ASTN2: variants seen among roughly 807,000 people sequenced by gnomAD.
ASTN2 encodes astrotactin 2.
A neutral mutation model predicts 139.8 loss-of-function variants in ASTN2; 54 were observed. The ratio of observed to expected loss-of-function variants is 0.39; its 90% confidence interval spans 0.31 to 0.48. The LOEUF (loss-of-function observed/expected upper bound fraction) is 0.48. ASTN2 is among the 20% of genes least tolerant of loss of function. The probability of loss-of-function intolerance (pLI) is 0.95; values close to 1 mark genes in which losing one functional copy is unlikely to be tolerated. For missense variants in ASTN2, 1,565 were observed against 1,725.1 expected, an observed-to-expected ratio of 0.91 and a Z score of 1.64; for synonymous variants, 756 against 719.5, an observed-to-expected ratio of 1.05 and a Z score of -0.81.
intron 19 of ASTN2, among the ~76,000 whole-genome samples, chr9:116,565,474 C>T (rs1042534273): frequency 1.4e-5 from 2 of 144,358 alleles, no homozygotes; most frequent in East Asian, 4.0e-4. Flanking sequence ...ATCACCCAGG[C>T]TGGAGTGCAG....
At chr9:116,655,686 G>A (rs1383323680) in intron 16 of ASTN2, among the ~76,000 whole-genome samples, 1 of 151,856 alleles carries the variant, frequency 6.6e-6, no homozygotes, top group Non-Finnish European at 1.5e-5. Context: ...TGCCACTAAC[G>A]TACACCAAGA....
At position 116,620,387 on chromosome 9, in the gene ASTN2, G is replaced by T. The variant is rs148013478; in HGVS notation, c.3129C>A (p.Ile1043=). Residue 1043 remains isoleucine, a synonymous_variant, in exon 18 of 23, where the codon ATC becomes ATA. Transcript: ENST00000313400. ...TGAGGTCACACCTGCACCAGTCATC[G>T]ATCACATCCCCTTTCCCTGAGCACC... is the stretch of plus-strand genomic sequence containing the variant. The part of the protein sequence containing the change: ...SYWCSGKGDV[I]DDWCRCDLSA... 3 of 1,614,116 alleles carry T rather than the reference G, an allele frequency of 1.9e-6. No individual in the cohort carries two copies. The highest frequency in any genetic ancestry group is 2.5e-6 in the Non-Finnish European group (3 of 1,180,026).
At chr9:116,771,006 A>G (rs1349445309) in intron 13 of ASTN2, among the ~76,000 whole-genome samples, 1 of 152,170 alleles carries the variant, frequency 6.6e-6, no homozygotes, top group African/African-American at 2.4e-5. Flanking sequence ...CAAACCATTT[A>G]CTGTCTTATG....
At chr9:117,152,249 C>A (rs1198346429) in intron 3 of ASTN2, among the ~76,000 whole-genome samples, 1 of 152,142 alleles carries the variant, frequency 6.6e-6, no homozygotes, top group East Asian at 1.9e-4. Context: ...CCTAGATAAG[C>A]CTGCGGAGGG....
intron 2 of ASTN2, among the ~76,000 whole-genome samples, chr9:117,270,016 G>T (rs758120509): frequency 6.6e-6 from 1 of 152,080 alleles, no homozygotes; most frequent in Non-Finnish European, 1.5e-5. Flanking sequence ...GAATTAATTT[G>T]CCCTAAATCA....
intron 5 of ASTN2, among the ~76,000 whole-genome samples, chr9:117,094,155 A>AAAGGGAGG (rs1418316200): frequency 3.4e-5 from 2 of 58,854 alleles, no homozygotes; most frequent in African/African-American, 6.4e-5. Flanking sequence ...AGGGAGGGAG[A>AAAGGGAGG]AAGGGAGGAA....
chr9:117,120,025 T>TATATATATATA (rs1829513096), intron 4 of ASTN2, among the ~76,000 whole-genome samples: 2 of 79,490 alleles, frequency 2.5e-5, no homozygotes, highest in Non-Finnish European at 6.2e-5. Context: ...TGTGTATATA[T>TATATATATATA]ATATATATAT....
chr9:116,793,213 T>C (rs1055327096), intron 13 of ASTN2, among the ~76,000 whole-genome samples: 7 of 152,218 alleles, frequency 4.6e-5, no homozygotes, highest in African/African-American at 1.7e-4. Flanking sequence ...TATATTAGTA[T>C]GCTCAGACAT....
At chr9:117,266,012 G>A (rs914561549) in intron 2 of ASTN2, among the ~76,000 whole-genome samples, 1 of 152,146 alleles carries the variant, frequency 6.6e-6, no homozygotes, top group Non-Finnish European at 1.5e-5. Context: ...TGCTCTAGTG[G>A]TAAAATGAGC....
At chr9:117,123,549 C>T (rs1017879395) in intron 4 of ASTN2, among the ~76,000 whole-genome samples, 1 of 152,096 alleles carries the variant, frequency 6.6e-6, no homozygotes, top group African/African-American at 2.4e-5. Flanking sequence ...GCATGGTAAG[C>T]TCTTGATAAA....
At chr9:116,906,475 C>T (rs1329330659) in intron 10 of ASTN2, among the ~76,000 whole-genome samples, 1 of 152,144 alleles carries the variant, frequency 6.6e-6, no homozygotes, top group Non-Finnish European at 1.5e-5. Flanking sequence ...TTTTGTCTTT[C>T]CCCCTTCCAT....
At chr9:117,275,325 A>G (rs915452180) in intron 2 of ASTN2, among the ~76,000 whole-genome samples, 1 of 152,170 alleles carries the variant, frequency 6.6e-6, no homozygotes, top group Non-Finnish European at 1.5e-5. Flanking sequence ...TCACAGTACC[A>G]AAATCTGTAT....
intron 10 of ASTN2, among the ~76,000 whole-genome samples, chr9:116,944,446 C>T (rs939250450): frequency 2.0e-5 from 3 of 151,754 alleles, no homozygotes; most frequent in African/African-American, 4.8e-5. Context: ...TTTGGGAGGC[C>T]GAGGCAGGTG....
At chr9:116,487,951 T>C (rs1849393814) in intron 19 of ASTN2, among the ~76,000 whole-genome samples, 1 of 152,218 alleles carries the variant, frequency 6.6e-6, no homozygotes, top group Non-Finnish European at 1.5e-5. Flanking sequence ...AAAATAATTT[T>C]CATGTCAAAT....
chr9:116,965,278 A>T (rs1370400882), intron 10 of ASTN2, among the ~76,000 whole-genome samples: 1 of 152,176 alleles, frequency 6.6e-6, no homozygotes, highest in African/African-American at 2.4e-5. Flanking sequence ...TTCAGGGAGA[A>T]TTTTGAAGAC....
At chr9:116,762,938 G>C (rs138871828) in intron 13 of ASTN2, among the ~76,000 whole-genome samples, 1 of 152,108 alleles carries the variant, frequency 6.6e-6, no homozygotes, top group East Asian at 1.9e-4. Flanking sequence ...ATTTCTCTCC[G>C]TTTCACAGAT....
intron 10 of ASTN2, among the ~76,000 whole-genome samples, chr9:116,881,894 C>T (rs948703884): frequency 2.6e-5 from 4 of 151,996 alleles, no homozygotes; most frequent in South Asian, 2.1e-4. Flanking sequence ...TTTGATGTTT[C>T]GAAGCATCAA....
At chr9:116,757,802 A>G (rs1474796908) in intron 13 of ASTN2, among the ~76,000 whole-genome samples, 1 of 152,164 alleles carries the variant, frequency 6.6e-6, no homozygotes, top group African/African-American at 2.4e-5. Context: ...GGCCCAGTGG[A>G]TGAGACCAAT....
At chr9:116,726,271 A>C (rs1385566010) in intron 15 of ASTN2, among the ~76,000 whole-genome samples, 1 of 152,182 alleles carries the variant, frequency 6.6e-6, no homozygotes, top group Non-Finnish European at 1.5e-5. Context: ...TCACTGAGCA[A>C]CCAATGTGTA....
Sources: allele counts gnomAD v4.1 joint callset (sites outside exome capture counted in the v4.1 genomes callset), GRCh38; gene constraint gnomAD v4.1.1; transcripts MANE v1.5; gene names NCBI Gene and HGNC (gene_info 2026-07-23, HGNC 2026-07-21).